Variants in SLC6A13 observed in about 807,000 individuals in gnomAD.
The protein encoded by SLC6A13 is sodium- and chloride-dependent GABA transporter 2.
SLC6A13 carries 69 observed loss-of-function variants against 72.9 expected under a neutral mutation model. The ratio of observed to expected loss-of-function variants is 0.95; its 90% confidence interval spans 0.78 to 1.16. SLC6A13 has a LOEUF of 1.16. Ranked by LOEUF, SLC6A13 falls within the 50% of genes most tolerant of loss-of-function variation. The pLI, the probability that SLC6A13 is intolerant of heterozygous loss-of-function variation, is 0.00. For synonymous variants in SLC6A13, 303 were observed against 303.0 expected (o/e 1.00, Z 0.00); for missense variants, 735 against 760.5 (o/e 0.97, Z 0.39).
chr12:234,664 C>T (rs1006432963), intron 7 of SLC6A13, among the ~76,000 whole-genome samples: 2 of 152,028 alleles, frequency 1.3e-5, no homozygotes, highest in African/African-American at 2.4e-5. Flanking sequence ...ACTACAGGTG[C>T]GTGCCACTAC....
chr12:255,110 G>A (rs1170144880), intron 2 of SLC6A13, among the ~76,000 whole-genome samples: 1 of 152,216 alleles, frequency 6.6e-6, no homozygotes, highest in Non-Finnish European at 1.5e-5. Flanking sequence ...GCTTAGATGG[G>A]TGCTAGCAGT....
chr12:233,710 G>C (rs894520296), intron 7 of SLC6A13, among the ~76,000 whole-genome samples: 1 of 152,148 alleles, frequency 6.6e-6, no homozygotes, highest in Non-Finnish European at 1.5e-5. Flanking sequence ...ACACCCTTGA[G>C]TAAGGACTGT....
At chr12:226,941 A>G (rs921928343) in intron 8 of SLC6A13, 1 of 171,128 alleles carries the variant, frequency 5.8e-6, no homozygotes, top group African/African-American at 2.4e-5. Flanking sequence ...GAGAGGCACC[A>G]TATGATTTCA....
At chr12:250,540 T>C (rs977771065) in intron 2 of SLC6A13, among the ~76,000 whole-genome samples, 2 of 152,160 alleles carry the variant, frequency 1.3e-5, no homozygotes, top group African/African-American at 2.4e-5. Flanking sequence ...CCATTTACAA[T>C]AGCATCAAAA....
At chr12:223,793 G>A in intron 11 of SLC6A13, 199 bp downstream of exon 11, 1 of 589,016 alleles carries the variant, frequency 1.7e-6, no homozygotes, top group Non-Finnish European at 3.0e-6. Context: ...ATCCCTGGAG[G>A]TGGGTGGTCC....
intron 7 of SLC6A13, among the ~76,000 whole-genome samples, chr12:234,128 C>T (rs937104182): frequency 1.3e-5 from 2 of 152,160 alleles, no homozygotes; most frequent in Admixed American, 6.5e-5. Context: ...CTCACTCCCC[C>T]GGCAGGATGG....
chr12:229,771 C>T (rs1048597629), intron 7 of SLC6A13, among the ~76,000 whole-genome samples: 6 of 152,124 alleles, frequency 3.9e-5, no homozygotes, highest in East Asian at 1.9e-4. Context: ...GGAAACACGC[C>T]GCGGCTGCCC....
intron 2 of SLC6A13, among the ~76,000 whole-genome samples, chr12:255,911 T>A (rs574294656): frequency 1.3e-5 from 2 of 152,152 alleles, no homozygotes; most frequent in African/African-American, 4.8e-5. Context: ...AGCCAGACTC[T>A]TGCTTCGTTT....
At chr12:259,617 C>T (rs754294937) in intron 2 of SLC6A13, 18 of 1,420,188 alleles carry the variant, frequency 1.3e-5, no homozygotes, top group Non-Finnish European at 1.6e-5. Flanking sequence ...CACCTGGTTC[C>T]AGCTTGTGCT....
intron 2 of SLC6A13, chr12:258,963 A>G (rs1052000148): frequency 1.0e-6 from 1 of 985,516 alleles, no homozygotes; most frequent in African/African-American, 1.7e-5. Context: ...AAGGCTGGGG[A>G]ACCTTAAGAC....
At chr12:261,882 C>T (rs1021765742) in intron 1 of SLC6A13, among the ~76,000 whole-genome samples, 18 of 151,266 alleles carry the variant, frequency 1.2e-4, no homozygotes, top group Non-Finnish European at 2.2e-4. Context: ...GCCGAGATCG[C>T]GCCACTGCAC....
At chr12:236,990 T>C in intron 6 of SLC6A13, 168 bp downstream of exon 6, 1 of 695,860 alleles carries the variant, frequency 1.4e-6, no homozygotes, top group South Asian at 2.1e-5. Flanking sequence ...ACCAGAAGTA[T>C]GTGAGTCTAG....
At position 260,011 on chromosome 12, in the gene SLC6A13, T is replaced by C. The variant is rs1329036106; in HGVS notation, c.42A>G (p.Thr14=). Residue 14 remains threonine (T), a synonymous_variant, in exon 2 of 15, where the codon ACA becomes ACG. Coordinates refer to ENST00000343164, the MANE Select transcript of SLC6A13 (RefSeq NM_016615.5). The part of the protein sequence containing the change: ...RVSGTTSNGE[T]KPVYPVMEKK... The stretch of plus-strand genomic sequence containing the variant: ...TTTCCATGACTGGATACACTGGTTT[T>C]GTCTCTCCATTACTGGTTGTGCCTG... The C allele has an allele frequency of 1.2e-6, 2 of 1,614,110 alleles. No homozygotes were observed. Among genetic ancestry groups the C allele is most frequent in the African/African-American group, 1.3e-5 (1 of 74,938 alleles).
At chr12:260,116 C>T in intron 1 of SLC6A13, 59 bp from the exon 2 acceptor site, 1 of 1,543,016 alleles carries the variant, frequency 6.5e-7, no homozygotes, top group South Asian at 1.2e-5. Context: ...AACCCCTCCT[C>T]CTGCTTTTAC....
intron 7 of SLC6A13, among the ~76,000 whole-genome samples, chr12:232,397 C>G (rs1023078032): frequency 6.6e-6 from 1 of 152,222 alleles, no homozygotes; most frequent in East Asian, 1.9e-4. Flanking sequence ...CAAAGCCTCC[C>G]CTCCACTCAG....
rs1161707572 is a variant in SLC6A13, at chr12:225,838, C to G, written c.1060+552G>C. 2.0e-5 allele frequency among the ~76,000 whole-genome samples: 3 copies of G among 152,112 alleles called. No individual in the cohort carries two copies. In the South Asian group the frequency reaches 6.2e-4, roughly 32 times the overall value. On this transcript the variant is annotated intron_variant, in intron 9 of 14. Transcript: ENST00000343164. ...GCAAGAGAAACATTTTATGGCTTAT[C>G]CAGACTGGGGCCTGGGCCTTGATGT...
rs539905642 is a variant in SLC6A13, at chr12:221,582, G to A, written c.1516-36C>T. 351 of 1,423,596 alleles carry A rather than the reference G, an allele frequency of 2.5e-4. 1 individual carries two copies. The South Asian group carries it at 4.2e-3, about 17-fold the overall frequency. 88.2% of individuals were successfully genotyped at this position (1,423,596 alleles called of 1,614,324 possible). On this transcript the variant is annotated intron_variant, in intron 13 of 14. Coordinates refer to ENST00000343164, the MANE Select transcript of SLC6A13 (RefSeq NM_016615.5). The stretch of plus-strand genomic sequence containing the variant: ...GAGCAGAAGAGAAAGGGGTTGGGGG[G>A]CGGGGGCCTTGTGCCCTCAGCTCCC...
intron 7 of SLC6A13, among the ~76,000 whole-genome samples, chr12:233,125 T>C (rs1941780498): frequency 6.6e-6 from 1 of 152,208 alleles, no homozygotes. Context: ...TTCATAGACA[T>C]GGAGAGACTC....
At position 259,872 on chromosome 12, in the gene SLC6A13, G is replaced by A; in HGVS notation, c.181C>T (p.Leu61Phe). The A allele has an allele frequency of 6.2e-7, 1 of 1,614,188 alleles. No individual in the cohort carries two copies. Among genetic ancestry groups the A allele is most frequent in the East Asian group, 2.2e-5 (1 of 44,888 alleles). Residue 61 changes from leucine to phenylalanine, a missense_variant, in exon 2 of 15, where the codon CTC becomes TTC. By Grantham distance (22) the Leu-to-Phe change is conservative. Coordinates refer to ENST00000343164, the MANE Select transcript of SLC6A13 (RefSeq NM_016615.5). ...TCACCTCCCCCATTTTTGTAGCAGA[G>A]ATAGGGAAACCTCCAGACGTTGCCT... ...GLGNVWRFPY[L>F]CYKNGGGAFF... is the part of the protein sequence containing the mutation.
Sources: allele counts gnomAD v4.1 joint callset (sites outside exome capture counted in the v4.1 genomes callset), GRCh38; gene constraint gnomAD v4.1.1; transcripts MANE v1.5; gene names NCBI Gene and HGNC (gene_info 2026-07-23, HGNC 2026-07-21).